KCTD16: variants seen among roughly 807,000 people sequenced by gnomAD.
KCTD16 encodes potassium channel tetramerization domain containing 16.
Under a neutral mutation model 33.2 loss-of-function variants are expected in KCTD16, and 13 were observed. That is an observed-to-expected ratio of 0.39 (90% CI 0.25 to 0.62). The LOEUF is 0.62. Among genes scored for constraint, KCTD16 ranks in the 20% least tolerant of loss-of-function variants. The probability of loss-of-function intolerance (pLI) is 0.50; values close to 1 mark genes in which losing one functional copy is unlikely to be tolerated. For synonymous variants in KCTD16, 197 were observed against 195.3 expected (o/e 1.01, Z -0.07); for missense variants, 441 against 525.1 (o/e 0.84, Z 1.57).
chr5:144,336,339 T>C (rs573093968), intron 3 of KCTD16, among the ~76,000 whole-genome samples: 1 of 152,288 alleles, frequency 6.6e-6, no homozygotes, highest in South Asian at 2.1e-4. Context: ...CAGTCCACAA[T>C]TGTGCACAAA....
intron 3 of KCTD16, among the ~76,000 whole-genome samples, chr5:144,365,696 T>C (rs764966780): frequency 6.6e-6 from 1 of 152,226 alleles, no homozygotes; most frequent in Non-Finnish European, 1.5e-5. Context: ...AATTTTCTCA[T>C]GATTCAAATG....
chr5:144,202,871 G>A (rs1419002993), intron 2 of KCTD16, among the ~76,000 whole-genome samples: 1 of 152,172 alleles, frequency 6.6e-6, no homozygotes, highest in Non-Finnish European at 1.5e-5. Flanking sequence ...AATTCTCAGA[G>A]TGTGTCTCTG....
At chr5:144,376,882 T>C (rs1752105144) in intron 3 of KCTD16, among the ~76,000 whole-genome samples, 1 of 152,212 alleles carries the variant, frequency 6.6e-6, no homozygotes, top group Admixed American at 6.5e-5. Flanking sequence ...GTGAATGCTC[T>C]GGCATGACTG....
At chr5:144,262,737 C>T (rs1755046669) in intron 3 of KCTD16, among the ~76,000 whole-genome samples, 1 of 152,156 alleles carries the variant, frequency 6.6e-6, no homozygotes, top group Non-Finnish European at 1.5e-5. Context: ...TATTCATGCC[C>T]TACTCATTTA....
chr5:144,284,352 C>T (rs1413676516), intron 3 of KCTD16, among the ~76,000 whole-genome samples: 1 of 152,164 alleles, frequency 6.6e-6, no homozygotes, highest in South Asian at 2.1e-4. Context: ...AAGAGCTATC[C>T]ACTATGTAGG....
At chr5:144,215,845 T>C (rs936193409) in intron 3 of KCTD16, among the ~76,000 whole-genome samples, 6 of 152,244 alleles carry the variant, frequency 3.9e-5, no homozygotes, top group African/African-American at 1.4e-4. Flanking sequence ...AGTTTATTGA[T>C]GTTAAAACAG....
chr5:144,195,139 T>C (rs562764379), intron 2 of KCTD16, among the ~76,000 whole-genome samples: 2 of 152,322 alleles, frequency 1.3e-5, no homozygotes, highest in African/African-American at 4.8e-5. Context: ...CTTGAAATCC[T>C]CCTCTACCAC....
At chr5:144,380,455 A>G (rs1752189108) in intron 3 of KCTD16, among the ~76,000 whole-genome samples, 1 of 152,236 alleles carries the variant, frequency 6.6e-6, no homozygotes, top group Non-Finnish European at 1.5e-5. Flanking sequence ...ATATCAAACT[A>G]TGAATGCCAT....
intron 3 of KCTD16, among the ~76,000 whole-genome samples, chr5:144,329,930 T>C (rs183149497): frequency 7.9e-5 from 12 of 152,332 alleles, no homozygotes. Context: ...GTGGTTTTGA[T>C]GTCTCATTTG....
At chr5:144,424,729 A>G (rs1454623475) in intron 3 of KCTD16, among the ~76,000 whole-genome samples, 1 of 152,144 alleles carries the variant, frequency 6.6e-6, no homozygotes, top group African/African-American at 2.4e-5. Flanking sequence ...GACAAGAGAC[A>G]AGATGGGAGC....
chr5:144,256,113 T>G (rs1388923477), intron 3 of KCTD16, among the ~76,000 whole-genome samples: 1 of 152,202 alleles, frequency 6.6e-6, no homozygotes, highest in Non-Finnish European at 1.5e-5. Flanking sequence ...ACGTTACTGT[T>G]TTCTGGGTTT....
chr5:144,371,947 A>G (rs1266644958), intron 3 of KCTD16, among the ~76,000 whole-genome samples: 1 of 152,006 alleles, frequency 6.6e-6, no homozygotes, highest in African/African-American at 2.4e-5. Context: ...CTGTTTAACC[A>G]CACCCCTTCT....
chr5:144,337,926 C>A (rs1403970302), intron 3 of KCTD16, among the ~76,000 whole-genome samples: 1 of 152,092 alleles, frequency 6.6e-6, no homozygotes, highest in Non-Finnish European at 1.5e-5. Flanking sequence ...AATATCCACC[C>A]TTTAGGATTG....
intron 3 of KCTD16, among the ~76,000 whole-genome samples, chr5:144,452,437 A>G (rs555242512): frequency 6.6e-6 from 1 of 152,092 alleles, no homozygotes; most frequent in Non-Finnish European, 1.5e-5. Context: ...CACATCGAAC[A>G]TATACCTAAT....
chr5:144,267,195 A>G lies in KCTD16; in HGVS notation c.832+59649A>G, dbSNP rs571031812. ...AGATGAATAAGATTGGCTAAGTGGT[A>G]CAAGAGTGAGATCTGTGTCAGATGG... On this transcript the variant is annotated intron_variant, in intron 3 of 3. Transcript: ENST00000512467. Among the ~76,000 whole-genome samples, 13 of 152,324 alleles carry G rather than the reference A, an allele frequency of 8.5e-5. 1 individual carries two copies. Among genetic ancestry groups the G allele is most frequent in the Non-Finnish European group, 1.6e-4 (11 of 68,024 alleles).
In KCTD16 at chr5:144,446,525, G is replaced by A. The variant is rs536523946; in HGVS notation, c.833-27135G>A. Among the ~76,000 whole-genome samples the A allele has an allele frequency of 2.9e-4, 44 of 152,124 alleles. 1 individual carries two copies. The highest frequency in any genetic ancestry group is 6.8e-3 in the Middle Eastern group (2 of 294). The stretch of plus-strand genomic sequence containing the variant: ...AGACTTCATGACTAAAACACCAAAA[G>A]CAATTGCAACAAAAGCCAAAATTGA... On this transcript the variant is annotated intron_variant, in intron 3 of 3. Coordinates refer to ENST00000512467, the MANE Select transcript of KCTD16 (RefSeq NM_020768.4).
At chr5:144,175,126 A>C (rs1321266814) in intron 2 of KCTD16, among the ~76,000 whole-genome samples, 1 of 152,224 alleles carries the variant, frequency 6.6e-6, no homozygotes, top group Non-Finnish European at 1.5e-5. Flanking sequence ...TTTATACTTC[A>C]AGAATTTGTG....
chr5:144,317,273 G>C (rs1178361593), intron 3 of KCTD16, among the ~76,000 whole-genome samples: 2 of 152,066 alleles, frequency 1.3e-5, no homozygotes, highest in African/African-American at 2.4e-5. Flanking sequence ...GACTGGGCCG[G>C]CACTAAAAAA....
intron 3 of KCTD16, among the ~76,000 whole-genome samples, chr5:144,388,078 T>G (rs1043709534): frequency 8.0e-6 from 1 of 125,732 alleles, no homozygotes; most frequent in Non-Finnish European, 1.6e-5. Context: ...TTTTTTTTTT[T>G]TTTTTTTTTT....
Sources: allele counts gnomAD v4.1 joint callset (sites outside exome capture counted in the v4.1 genomes callset), GRCh38; gene constraint gnomAD v4.1.1; transcripts MANE v1.5; gene names NCBI Gene and HGNC (gene_info 2026-07-23, HGNC 2026-07-21).